The following LAMC1 variants were observed in gnomAD, a reference collection of about 807,000 sequenced individuals.
LAMC1 encodes the protein laminin subunit gamma-1.
LAMC1 carries 38 observed loss-of-function variants against 173.6 expected under a neutral mutation model. That is an observed-to-expected ratio of 0.22 (90% CI 0.17 to 0.29). The LOEUF is 0.29. Among genes scored for constraint, LAMC1 ranks in the 10% least tolerant of loss-of-function variants. LAMC1 has a pLI of 1.00. For missense variants in LAMC1, 1,824 were observed against 2,051.8 expected, an observed-to-expected ratio of 0.89 and a Z score of 2.14; for synonymous variants, 746 against 749.1, an observed-to-expected ratio of 1.00 and a Z score of 0.07.
intron 18 of LAMC1, 51 bp downstream of exon 18, chr1:183,128,801 G>A (rs757085724): frequency 5.6e-6 from 8 of 1,421,980 alleles, no homozygotes; most frequent in Middle Eastern, 1.8e-4. Flanking sequence ...CCAATCTTTA[G>A]ATGTGGCTCC....
rs74697661 is a variant in LAMC1 at position 183,029,810 on chromosome 1, C to A, written c.418+5676C>A. ...TCAGGGGTTTAGTAATCTTTTAGTT[C>A]AGTTAAAGATGACTAATATTGGTTA... On this transcript the variant is annotated intron_variant, in intron 1 of 27. Transcript: ENST00000258341. Among the ~76,000 whole-genome samples the A allele has an allele frequency of 3.3e-3, 497 of 152,258 alleles. 3 individuals carry two copies. The highest frequency in any genetic ancestry group is 0.011 in the African/African-American group (476 of 41,544).
rs1656828395 is a variant in LAMC1, at chr1:183,132,592, C to G, written c.3704+55C>G. The G allele has an allele frequency of 5.7e-6, 8 of 1,392,390 alleles. No individual in the cohort carries two copies. In the Admixed American group the frequency reaches 1.4e-4, roughly 25 times the overall value. 86.3% of individuals were successfully genotyped at this position (1,392,390 alleles called of 1,614,324 possible). ...CCTTCAGGTGTTCTGGTAAGTAACA[C>G]TAGTTCAATGAAAAATTAAATGCTG... On this transcript the variant is annotated intron_variant, in intron 21 of 27. Coordinates refer to ENST00000258341, the MANE Select transcript of LAMC1 (RefSeq NM_002293.4).
intron 3 of LAMC1, among the ~76,000 whole-genome samples, chr1:183,109,989 C>T (rs146520698): frequency 6.6e-6 from 1 of 152,200 alleles, no homozygotes; most frequent in Non-Finnish European, 1.5e-5. Flanking sequence ...TGATGTTCAT[C>T]AACTTATTTT....
rs796592939 is a variant in LAMC1 at position 183,077,772 on chromosome 1, T to TTGTGTGTG, written c.419-25551_419-25550insGTGTGTGT. On this transcript the variant is annotated intron_variant, in intron 1 of 27. Coordinates refer to ENST00000258341, the MANE Select transcript of LAMC1 (RefSeq NM_002293.4). Reference sequence around the variant, plus strand: ...TGGCTGAATAGTATTTTTATGGCCATTGTGTATATATATATATATATATAC... The same window carrying TTGTGTGTG: ...TGGCTGAATAGTATTTTTATGGCCATTGTGTGTGTGTGTATATATATATATATATATAC... 7.5e-4 allele frequency among the ~76,000 whole-genome samples: 59 copies of TTGTGTGTG among 78,410 alleles called. 1 individual carries two copies. Among genetic ancestry groups the TTGTGTGTG allele is most frequent in the South Asian group, 1.7e-3 (3 of 1,780 alleles). The allele number at this position is 78,410 out of a possible 152,430, so 51.4% of individuals were successfully genotyped here. A position where few individuals can be genotyped will look rare whatever the true frequency, so the allele number is the denominator to read the frequency against.
In LAMC1 at chr1:183,131,371, G is replaced by T; in HGVS notation, c.3559G>T (p.Ala1187Ser). ...TLLAEEARKL[A>S]ERHKQEADDI... ...TTTGGCAGAAGAGGCTCGAAAGCTT[G>T]CTGAACGGTAACTTCTAGATCCCTG... The change falls in exon 20 of 28, where the codon GCT (alanine) becomes TCT (serine). Residue 1187 changes from alanine (A) to serine (S), a missense_variant. By Grantham distance (99) the Ala-to-Ser change is moderately conservative (BLOSUM62 1). Coordinates refer to ENST00000258341, the MANE Select transcript of LAMC1 (RefSeq NM_002293.4). 1 of 1,612,226 alleles carries T rather than the reference G, an allele frequency of 6.2e-7. No individual in the cohort carries two copies. Among genetic ancestry groups the T allele is most frequent in the Non-Finnish European group, 8.5e-7 (1 of 1,179,084 alleles).
chr1:183,136,529 A>G lies in LAMC1; in HGVS notation c.4258A>G (p.Thr1420Ala). ...QALGSAAADA[T>A]EAKNKAHEAE... ...CCTGGGCAGTGCTGCGGCGGATGCC[A>G]CAGAGGCCAAGAACAAGGCCCATGA... Residue 1420 changes from threonine (T) to alanine (A), a missense_variant, in exon 25 of 28, where the codon ACA becomes GCA. Transcript: ENST00000258341. 6.2e-7 allele frequency: 1 copy of G among 1,613,990 alleles called. No homozygotes were observed. The highest frequency in any genetic ancestry group is 8.5e-7 in the Non-Finnish European group (1 of 1,179,914).
At chr1:183,078,925 G>A (rs1226896541) in intron 1 of LAMC1, among the ~76,000 whole-genome samples, 1 of 152,102 alleles carries the variant, frequency 6.6e-6, no homozygotes, top group Non-Finnish European at 1.5e-5. Context: ...AACCCAGGAG[G>A]CAGAGTTTGT....
In LAMC1 at chr1:183,127,127, A is replaced by C. The variant is rs181648183; in HGVS notation, c.2945-99A>C. The C allele has an allele frequency of 8.9e-6, 10 of 1,120,754 alleles. No individual in the cohort carries two copies. The Admixed American group carries it at 1.8e-4, about 20-fold the overall frequency. The allele number at this position is 1,120,754 out of a possible 1,614,324, so 69.4% of individuals were successfully genotyped here. A position where few individuals can be genotyped will look rare whatever the true frequency, so the allele number is the denominator to read the frequency against. The stretch of plus-strand genomic sequence containing the variant: ...TGTTTTTCAAAAAAATTATGACAGT[A>C]TAGTCAGCTTATAGTCAGCTTATTG... On this transcript the variant is annotated intron_variant, in intron 16 of 27. Coordinates refer to ENST00000258341, the MANE Select transcript of LAMC1 (RefSeq NM_002293.4).
chr1:183,088,222 G>A (rs903420564), intron 1 of LAMC1, among the ~76,000 whole-genome samples: 3 of 152,154 alleles, frequency 2.0e-5, no homozygotes, highest in Admixed American at 1.3e-4. Flanking sequence ...TAAGCTCTAC[G>A]TCAATATCCA....
Position 183,110,644 on chromosome 1 carries a change from T to C in LAMC1, c.1011T>C (p.Ser337=). The C allele has an allele frequency of 6.2e-7, 1 of 1,613,772 alleles. No homozygotes were observed. Among genetic ancestry groups the C allele is most frequent in the Non-Finnish European group, 8.5e-7 (1 of 1,179,814 alleles). ...GGAGGGCAACTGCGGAAAGTGCCAGTGAATGCCTGCGTGAGTGCCCCATGA... is the reference window on the plus strand; with the variant it reads ...GGAGGGCAACTGCGGAAAGTGCCAGCGAATGCCTGCGTGAGTGCCCCATGA... ...PWRRATAESA[S]ECLPCDCNGR... The change falls in exon 4 of 28, where the codon AGT becomes AGC. Residue 337 remains serine (S), a synonymous_variant. Coordinates refer to ENST00000258341, the MANE Select transcript of LAMC1 (RefSeq NM_002293.4).
Position 183,132,595 on chromosome 1 carries a change from G to A in LAMC1, c.3704+58G>A, listed in dbSNP as rs1427727401. 12 of 1,371,140 alleles carry A rather than the reference G, an allele frequency of 8.8e-6. No homozygotes were observed. In the South Asian group the frequency reaches 1.4e-4, roughly 16 times the overall value. 84.9% of individuals were successfully genotyped at this position (1,371,140 alleles called of 1,614,324 possible). A position where few individuals can be genotyped will look rare whatever the true frequency, so the allele number is the denominator to read the frequency against. Reference sequence around the variant, plus strand: ...TCAGGTGTTCTGGTAAGTAACACTAGTTCAATGAAAAATTAAATGCTGGTG... The same window carrying A: ...TCAGGTGTTCTGGTAAGTAACACTAATTCAATGAAAAATTAAATGCTGGTG... On this transcript the variant is annotated intron_variant, in intron 21 of 27. Transcript: ENST00000258341.
intron 3 of LAMC1, 90 bp from the exon 4 acceptor site, chr1:183,110,398 A>G (rs1035477925): frequency 8.9e-6 from 9 of 1,006,204 alleles, no homozygotes; most frequent in Middle Eastern, 2.2e-4. Context: ...TGAATGGTAA[A>G]ACTTACTTCT....
chr1:183,140,534 C>T (rs1468739982), intron 27 of LAMC1, 31 bp downstream of exon 27: 1 of 1,442,132 alleles, frequency 6.9e-7, no homozygotes, highest in East Asian at 2.3e-5. Context: ...TTTTGTCAGT[C>T]TCTGAATCTT....
intron 1 of LAMC1, among the ~76,000 whole-genome samples, chr1:183,084,150 C>G (rs570522185): frequency 6.6e-6 from 1 of 152,094 alleles, no homozygotes; most frequent in Admixed American, 6.5e-5. Context: ...GTCAGGAGAT[C>G]GAGACCAAGT....
chr1:183,135,284 C>T (rs1417911005), intron 24 of LAMC1, 128 bp downstream of exon 24: 3 of 641,146 alleles, frequency 4.7e-6, no homozygotes, highest in Non-Finnish European at 8.4e-6. Flanking sequence ...TAAAGTATTT[C>T]AAAGGGAAAT....
At chr1:183,053,443 A>C (rs942683101) in intron 1 of LAMC1, among the ~76,000 whole-genome samples, 1 of 151,410 alleles carries the variant, frequency 6.6e-6, no homozygotes, top group Non-Finnish European at 1.5e-5. Context: ...TTTCAAACTA[A>C]TGGGTTGTTT....
At chr1:183,061,170 T>A (rs1466960989) in intron 1 of LAMC1, among the ~76,000 whole-genome samples, 1 of 152,156 alleles carries the variant, frequency 6.6e-6, no homozygotes, top group African/African-American at 2.4e-5. Flanking sequence ...GCAAACCAGT[T>A]CACTTTTAGA....
chr1:183,123,486 T>C (rs1656537807), intron 13 of LAMC1, among the ~76,000 whole-genome samples: 1 of 152,208 alleles, frequency 6.6e-6, no homozygotes, highest in Non-Finnish European at 1.5e-5. Flanking sequence ...TGCTTCTACA[T>C]GGGTTTGAAC....
intron 1 of LAMC1, among the ~76,000 whole-genome samples, chr1:183,031,550 C>T (rs1276579573): frequency 2.0e-5 from 3 of 152,062 alleles, no homozygotes; most frequent in South Asian, 2.1e-4. Context: ...GTGATCTGCC[C>T]GTCGTGGCTG....
Sources: gnomAD v4.1 joint callset for allele counts (sites outside exome capture counted in the v4.1 genomes callset) on GRCh38, gnomAD v4.1.1 for gene constraint, MANE v1.5 for transcripts, NCBI Gene and HGNC (gene_info 2026-07-23, HGNC 2026-07-21) for gene names.